Variants in PIP4K2B observed in about 807,000 individuals in gnomAD.
PIP4K2B encodes the protein phosphatidylinositol 5-phosphate 4-kinase type-2 beta.
Under a neutral mutation model 42.0 loss-of-function variants are expected in PIP4K2B, and 3 were observed. The ratio of observed to expected loss-of-function variants is 0.07; its 90% CI spans 0.03 to 0.18. The LOEUF (loss-of-function observed/expected upper bound fraction) is 0.18. Ranked by LOEUF, PIP4K2B falls within the 10% of genes least tolerant of loss-of-function variation. PIP4K2B has a pLI of 1.00. For missense variants in PIP4K2B, 332 were observed against 562.3 expected, an observed-to-expected ratio of 0.59 and a Z score of 4.14; for synonymous variants, 204 against 210.1, an observed-to-expected ratio of 0.97 and a Z score of 0.25.
At position 38,768,171 on chromosome 17, in the gene PIP4K2B, T is replaced by A. The variant is rs1055772571; in HGVS notation, c.*1520A>T. On this transcript the variant is annotated 3_prime_UTR_variant, in exon 10 of 10. Coordinates refer to ENST00000619039, the MANE Select transcript of PIP4K2B (RefSeq NM_003559.5). ...TTGGGGTTATCTACAAGTCTGACCA[T>A]ATCTCATCCCAAATCCCCAGTTCCT... The A allele has an allele frequency of 1.3e-5, 2 of 152,272 alleles. No individual in the cohort carries two copies. Among genetic ancestry groups the A allele is most frequent in the African/African-American group, 2.4e-5 (1 of 41,464 alleles). The allele number at this position is 152,272 out of a possible 1,614,324, so 9.4% of individuals were successfully genotyped here.
chr17:38,775,333 A>T (rs1005250547), intron 7 of PIP4K2B, among the ~76,000 whole-genome samples: 4 of 152,008 alleles, frequency 2.6e-5, no homozygotes, highest in African/African-American at 4.8e-5. Flanking sequence ...GCTCACCACA[A>T]CCGTGAACTC....
At chr17:38,795,362 T>C (rs1910599274) in intron 1 of PIP4K2B, among the ~76,000 whole-genome samples, 1 of 152,088 alleles carries the variant, frequency 6.6e-6, no homozygotes, top group East Asian at 1.9e-4. Flanking sequence ...ATCCCAGTCC[T>C]TTGGGAGGCC....
At chr17:38,770,397 G>A (rs201980628) in intron 9 of PIP4K2B, 39 bp downstream of exon 9, 13 of 1,303,760 alleles carry the variant, frequency 1.0e-5, no homozygotes, top group East Asian at 2.3e-5. Flanking sequence ...CAGATGCACC[G>A]ACCCAGCTGG....
At position 38,780,508 on chromosome 17, in the gene PIP4K2B, T is replaced by C; in HGVS notation, c.451A>G (p.Thr151Ala). The C allele has an allele frequency of 1.2e-6, 2 of 1,614,008 alleles. No individual in the cohort carries two copies. The highest frequency in any genetic ancestry group is 8.5e-7 in the Non-Finnish European group (1 of 1,179,908). The part of the protein sequence containing the change: ...TTYDRRFVIK[T>A]VSSEDVAEMH... ...TCCGCCACGTCCTCGCTGGACACAG[T>C]CTTGATGACAAAGCGCCGGTCGTAG... Residue 151 changes from threonine to alanine, a missense_variant, in exon 4 of 10, where the codon ACT becomes GCT. Thr to Ala is a moderately conservative substitution (Grantham distance 58). Transcript: ENST00000619039.
chr17:38,768,639 G>GATCT lies in PIP4K2B; in HGVS notation c.*1048_*1051dup, dbSNP rs1354658371. The GATCT allele has an allele frequency of 6.6e-6, 1 of 152,250 alleles. No homozygotes were observed. Among genetic ancestry groups the GATCT allele is most frequent in the African/African-American group, 2.4e-5 (1 of 41,456 alleles). The allele number at this position is 152,250 out of a possible 1,614,324, so 9.4% of individuals were successfully genotyped here. ...CTAAAAAGCACTCCAGGCGCTTGGAGATCTGCCCAGAGCTAAGAGTTCGGC... is the reference window on the plus strand; with the variant it reads ...CTAAAAAGCACTCCAGGCGCTTGGAGATCTATCTGCCCAGAGCTAAGAGTTCGGC... On this transcript the variant is annotated 3_prime_UTR_variant, in exon 10 of 10. Coordinates refer to ENST00000619039, the MANE Select transcript of PIP4K2B (RefSeq NM_003559.5).
intron 3 of PIP4K2B, among the ~76,000 whole-genome samples, chr17:38,783,958 T>A (rs1286466489): frequency 6.6e-6 from 1 of 152,174 alleles, no homozygotes; most frequent in South Asian, 2.1e-4. Flanking sequence ...AGACTGGGAA[T>A]GTCAGACTAA....
At chr17:38,786,975 A>T in intron 1 of PIP4K2B, 55 bp from the exon 2 acceptor site, 3 of 1,032,022 alleles carry the variant, frequency 2.9e-6, no homozygotes, top group Non-Finnish European at 4.6e-6. Context: ...TGCCTCAGAG[A>T]CACTAAGCTA....
rs796343923 is a variant in PIP4K2B at position 38,793,883 on chromosome 17, CA to C, written c.159+5382del. Among the ~76,000 whole-genome samples the C allele has an allele frequency of 4.6e-3, 624 of 135,098 alleles. 1 individual carries two copies. Among genetic ancestry groups the C allele is most frequent in the African/African-American group, 0.013 (474 of 37,798 alleles). 88.6% of individuals were successfully genotyped at this position (135,098 alleles called of 152,430 possible). A position where few individuals can be genotyped will look rare whatever the true frequency, so the allele number is the denominator to read the frequency against. ...CGAGACCCTGCCTCAAAAAAACAAA[CA>C]AAAAAAAAAACAAGAAAGAAAGAAA... On this transcript the variant is annotated intron_variant, in intron 1 of 9. Transcript: ENST00000619039.
Position 38,769,438 on chromosome 17 carries a change from C to T in PIP4K2B, c.*253G>A. On this transcript the variant is annotated 3_prime_UTR_variant, in exon 10 of 10. Coordinates refer to ENST00000619039, the MANE Select transcript of PIP4K2B (RefSeq NM_003559.5). ...GGGAACCCCTTTTTAACCTGGGTGT[C>T]AAATGGGGAGAAAAAATCAAGGGTA... is the stretch of plus-strand genomic sequence containing the variant. The T allele has an allele frequency of 2.0e-6, 1 of 499,928 alleles. No individual in the cohort carries two copies. 31.0% of individuals were successfully genotyped at this position (499,928 alleles called of 1,614,324 possible). A position where few individuals can be genotyped will look rare whatever the true frequency, so the allele number is the denominator to read the frequency against.
chr17:38,784,345 G>GA lies in PIP4K2B; in HGVS notation c.258-7dup, dbSNP rs774506845. On this transcript the variant is annotated splice_polypyrimidine_tract_variant and splice_region_variant and intron_variant, in intron 2 of 9. Coordinates refer to ENST00000619039, the MANE Select transcript of PIP4K2B (RefSeq NM_003559.5). Reference sequence around the variant, plus strand: ...AGCGGCTGGGCAGGTTCTCCCTAGGGAAAAGCAGAGATATGTCTTTGTGAA... The same window carrying GA: ...AGCGGCTGGGCAGGTTCTCCCTAGGGAAAAAGCAGAGATATGTCTTTGTGAA... 3 of 1,553,374 alleles carry GA rather than the reference G, an allele frequency of 1.9e-6. No homozygotes were observed. The South Asian group carries it at 3.3e-5, about 17-fold the overall frequency.
chr17:38,784,933 A>G (rs1344264973), intron 2 of PIP4K2B, among the ~76,000 whole-genome samples: 1 of 152,176 alleles, frequency 6.6e-6, no homozygotes, highest in African/African-American at 2.4e-5. Context: ...TGCTACAAGG[A>G]AAAACCTCTC....
intron 5 of PIP4K2B, 87 bp from the exon 6 acceptor site, chr17:38,778,459 A>G: frequency 8.1e-7 from 1 of 1,232,254 alleles, no homozygotes; most frequent in Non-Finnish European, 1.2e-6. Flanking sequence ...AGGTGAACTC[A>G]AGTAGGCTTG....
At chr17:38,796,446 C>T (rs563211836) in intron 1 of PIP4K2B, among the ~76,000 whole-genome samples, 4 of 152,304 alleles carry the variant, frequency 2.6e-5, no homozygotes, top group African/African-American at 7.2e-5. Context: ...CCATGGTCTC[C>T]ATGCTCCTCT....
At chr17:38,788,657 T>C (rs577827223) in intron 1 of PIP4K2B, among the ~76,000 whole-genome samples, 6 of 151,258 alleles carry the variant, frequency 4.0e-5, no homozygotes, top group East Asian at 4.0e-4. Context: ...AGGAGTTCTA[T>C]ACCACCCTGG....
chr17:38,797,863 T>C (rs910056191), intron 1 of PIP4K2B, among the ~76,000 whole-genome samples: 1 of 152,174 alleles, frequency 6.6e-6, no homozygotes, highest in Non-Finnish European at 1.5e-5. Flanking sequence ...GGCTGGATTG[T>C]TGGCCCGAAG....
At chr17:38,790,124 A>AT (rs1375905497) in intron 1 of PIP4K2B, among the ~76,000 whole-genome samples, 2 of 152,152 alleles carry the variant, frequency 1.3e-5, no homozygotes, top group Non-Finnish European at 2.9e-5. Flanking sequence ...AATAAAGTTG[A>AT]TTTTTAAATT....
chr17:38,793,487 G>A (rs530065365), intron 1 of PIP4K2B, among the ~76,000 whole-genome samples: 31 of 152,026 alleles, frequency 2.0e-4, no homozygotes, highest in Admixed American at 1.7e-3. Flanking sequence ...CAGGTGATCC[G>A]CCCACCTTGG....
chr17:38,784,819 C>T (rs12952045), intron 2 of PIP4K2B, among the ~76,000 whole-genome samples: 5,787 of 152,232 alleles, frequency 0.038, 193 homozygotes, highest in African/African-American at 0.094. Flanking sequence ...AACTCTCACC[C>T]GCTGGGCCAT....
rs1910814244 is a variant in PIP4K2B, at chr17:38,799,138, G to GGCGT, written c.159+124_159+127dup. On this transcript the variant is annotated intron_variant, in intron 1 of 9. Transcript: ENST00000619039. This position sits in a 1 kb window ranked among gnomAD's most constrained non-coding sequence, Gnocchi z 4.4. The stretch of plus-strand genomic sequence containing the variant: ...CCGAAAGGCGTGCAAGGGTGGGGTG[G>GGCGT]GCGTGCAAGTGGCTTGGCGAGGGGT... The GGCGT allele has an allele frequency of 2.1e-6, 2 of 953,714 alleles. No individual in the cohort carries two copies. The highest frequency in any genetic ancestry group is 7.0e-5 in the Admixed American group (2 of 28,618). The allele number at this position is 953,714 out of a possible 1,614,324, so 59.1% of individuals were successfully genotyped here.
Sources: allele counts gnomAD v4.1 joint callset (sites outside exome capture counted in the v4.1 genomes callset), GRCh38; gene constraint gnomAD v4.1.1; non-coding constraint Gnocchi (gnomAD v3.1); transcripts MANE v1.5; gene names NCBI Gene and HGNC (gene_info 2026-07-23, HGNC 2026-07-21).